The following RPS29 variants were observed in gnomAD, a reference collection of about 807,000 sequenced individuals.
The protein encoded by RPS29 is ribosomal protein S29, also known as small ribosomal subunit protein uS14.
For missense variants in RPS29, 60 were observed against 75.7 expected (o/e 0.79, Z 0.77); for synonymous variants, 37 against 26.9 (o/e 1.37, Z -1.16).
chr14:49,579,354 TCTA>T (rs762220327), downstream of RPS29, among the ~76,000 whole-genome samples: 7 of 152,192 alleles, frequency 4.6e-5, no homozygotes, highest in Non-Finnish European at 1.0e-4. Flanking sequence ...AGCCACTCAG[TCTA>T]CTGGATTTTG....
downstream of RPS29, among the ~76,000 whole-genome samples, chr14:49,579,859 C>T (rs1407001888): frequency 6.6e-6 from 1 of 152,164 alleles, no homozygotes; most frequent in African/African-American, 2.4e-5. Flanking sequence ...TTCAGACAGA[C>T]CCAGTTCCAG....
chr14:49,573,628 A>G (rs1196420136), exon 3 of RPS29: 1 of 152,164 alleles, frequency 6.6e-6, no homozygotes, highest in African/African-American at 2.4e-5. Context: ...TTTGTCTCCT[A>G]TATCCTTTTT....
chr14:49,585,049 G>A (rs968537390), intron 2 of RPS29, among the ~76,000 whole-genome samples: 74 of 152,026 alleles, frequency 4.9e-4, no homozygotes, highest in Admixed American at 4.4e-3. Flanking sequence ...CAAACTTTAA[G>A]TTCATTCCAG....
At chr14:49,581,923 G>T (rs568085995), downstream of RPS29, among the ~76,000 whole-genome samples, 9 of 149,664 alleles carry the variant, frequency 6.0e-5, no homozygotes, top group Non-Finnish European at 1.0e-4. Context: ...TCAGAAGGCT[G>T]AAGTGGAAGG....
rs189314728 is a variant in RPS29 at position 49,594,560 on chromosome 14, G to A, written c.-133+3840C>T. ...TCACTGATGAAAGGCAGAACTTAGA[G>A]GAGTGAAAGTTGCAGATACCAGGAT... is the stretch of plus-strand genomic sequence containing the variant. On this transcript the variant is annotated intron_variant, in intron 1 of 3. Coordinates refer to the RPS29 transcript ENST00000556230. Among the ~76,000 whole-genome samples the A allele has an allele frequency of 3.9e-5, 6 of 152,310 alleles. No individual in the cohort carries two copies. The East Asian group carries it at 7.7e-4, about 20-fold the overall frequency.
intron 2 of RPS29, 162 bp downstream of exon 2, chr14:49,585,788 A>G: frequency 1.6e-6 from 1 of 610,434 alleles, no homozygotes; most frequent in South Asian, 2.0e-5. Flanking sequence ...CCAAACCATC[A>G]ACACTGTCAC....
At chr14:49,585,506 G>A (rs1028141366) in intron 2 of RPS29, 9 of 221,428 alleles carry the variant, frequency 4.1e-5, no homozygotes, top group African/African-American at 2.1e-4. Flanking sequence ...CCTGAGACCA[G>A]GAGGAGTTCG....
chr14:49,596,846 C>A (rs1566487796), intron 1 of RPS29, among the ~76,000 whole-genome samples: 5 of 149,328 alleles, frequency 3.3e-5, no homozygotes, highest in Admixed American at 2.7e-4. Flanking sequence ...TCTTCGCTCA[C>A]TACCTCTGCC....
chr14:49,589,232 A>T (rs1056340034), upstream of RPS29, among the ~76,000 whole-genome samples: 8 of 151,462 alleles, frequency 5.3e-5, no homozygotes, highest in African/African-American at 1.9e-4. Flanking sequence ...TTTAGAACAC[A>T]TTTTCCTTTA....
At chr14:49,574,891 G>A (rs1411755680) in exon 3 of RPS29, 1 of 152,228 alleles carries the variant, frequency 6.6e-6, no homozygotes, top group Non-Finnish European at 1.5e-5. Flanking sequence ...GGTCATTTAG[G>A]CTTAGAGCAC....
intron 2 of RPS29, among the ~76,000 whole-genome samples, chr14:49,584,006 G>C (rs1300451126): frequency 6.6e-6 from 1 of 151,500 alleles, no homozygotes; most frequent in Non-Finnish European, 1.5e-5. Flanking sequence ...TTTTTTGAGA[G>C]AGAGTCTCGC....
At chr14:49,595,927 C>T (rs539697556) in intron 1 of RPS29, among the ~76,000 whole-genome samples, 19 of 150,260 alleles carry the variant, frequency 1.3e-4, no homozygotes, top group African/African-American at 4.6e-4. Context: ...GCAGGAGAAT[C>T]GCTTGAGCCG....
exon 1 of RPS29, chr14:49,598,680 C>G (rs897885554): frequency 1.4e-6 from 1 of 700,372 alleles, no homozygotes; most frequent in South Asian, 1.5e-5. Context: ...CCCTCGGAAT[C>G]CTCCCCGAAC....
At chr14:49,585,475 G>A (rs1461848192) in intron 2 of RPS29, 1 of 193,540 alleles carries the variant, frequency 5.2e-6, no homozygotes, top group African/African-American at 2.3e-5. Flanking sequence ...AGCTACTCGG[G>A]ACGCCAAGGC....
intron 1 of RPS29, among the ~76,000 whole-genome samples, chr14:49,592,765 C>T (rs971725602): frequency 5.4e-5 from 8 of 147,720 alleles, no homozygotes; most frequent in African/African-American, 1.0e-4. Flanking sequence ...AAAATTAGCC[C>T]GGCGTGGTGG....
upstream of RPS29, among the ~76,000 whole-genome samples, chr14:49,589,134 C>G (rs1881659226): frequency 6.6e-6 from 1 of 151,950 alleles, no homozygotes; most frequent in African/African-American, 2.4e-5. Context: ...ACCTCATGAT[C>G]CGCCCGCCTC....
chr14:49,581,805 G>C (rs1418910513), downstream of RPS29, among the ~76,000 whole-genome samples: 1 of 151,980 alleles, frequency 6.6e-6, no homozygotes, highest in Non-Finnish European at 1.5e-5. Flanking sequence ...AAGGCGGGCT[G>C]ATCACTTGAA....
At chr14:49,598,366 G>C in intron 1 of RPS29, 1 of 657,704 alleles carries the variant, frequency 1.5e-6, no homozygotes, top group Non-Finnish European at 2.8e-6. Flanking sequence ...CACGTCTCAG[G>C]TGCAGTTAAG....
chr14:49,582,300 ATATC>A (rs1177423677), downstream of RPS29, among the ~76,000 whole-genome samples: 2 of 152,106 alleles, frequency 1.3e-5, no homozygotes, highest in African/African-American at 4.8e-5. Context: ...TCATCTCACA[ATATC>A]TAACTATAAC....
Sources: allele counts gnomAD v4.1 joint callset (sites outside exome capture counted in the v4.1 genomes callset), GRCh38; gene constraint gnomAD v4.1.1; transcripts MANE v1.5; gene names NCBI Gene and HGNC (gene_info 2026-07-23, HGNC 2026-07-21).